The following STK24 variants were observed in gnomAD, a reference collection of about 807,000 sequenced individuals.
STK24 encodes the protein serine/threonine kinase 24, also known as serine/threonine-protein kinase 24.
In STK24, 21 loss-of-function variants were observed where a neutral mutation model predicts 55.6. The ratio of observed to expected loss-of-function variants is 0.38; its 90% CI spans 0.27 to 0.54. STK24 has a LOEUF of 0.54. STK24 is among the 20% of genes least tolerant of loss of function. The pLI is 0.79. For synonymous variants in STK24, 200 were observed against 215.2 expected, an observed-to-expected ratio of 0.93 and a Z score of 0.62; for missense variants, 383 against 538.4, an observed-to-expected ratio of 0.71 and a Z score of 2.86.
intron 1 of STK24, among the ~76,000 whole-genome samples, chr13:98,556,135 C>T (rs749138416): frequency 2.6e-5 from 4 of 152,216 alleles, no homozygotes; most frequent in Admixed American, 1.3e-4. Flanking sequence ...CCTCCTTCCC[C>T]GGGGAATTGT....
chr13:98,549,302 G>A (rs961698230), intron 1 of STK24, among the ~76,000 whole-genome samples: 2 of 152,150 alleles, frequency 1.3e-5, no homozygotes, highest in East Asian at 1.9e-4. Context: ...TGGCAGATTC[G>A]GTGTGTACTG....
intron 1 of STK24, among the ~76,000 whole-genome samples, chr13:98,529,460 G>C (rs1055880643): frequency 6.6e-6 from 1 of 152,060 alleles, no homozygotes; most frequent in Non-Finnish European, 1.5e-5. Flanking sequence ...AACTGGGGAC[G>C]ACCCACTGCC....
At chr13:98,500,680 T>C (rs1566371170) in intron 2 of STK24, among the ~76,000 whole-genome samples, 1 of 127,648 alleles carries the variant, frequency 7.8e-6, no homozygotes, top group Non-Finnish European at 1.6e-5. Flanking sequence ...CCTTCTGCCA[T>C]GCCTCCTCCC....
In STK24 at chr13:98,448,344, G is replaced by A; in HGVS notation, c.*4829C>T. 2 of 1,541,952 alleles carry A rather than the reference G, an allele frequency of 1.3e-6. No individual in the cohort carries two copies. The highest frequency in any genetic ancestry group is 2.2e-5 in the East Asian group (1 of 44,576). On this transcript the variant is annotated 3_prime_UTR_variant, in exon 11 of 11. Transcript: ENST00000539966. ...GGCCGGACACACTCGTTTCCGCAGT[G>A]GCTGCTTTCCTGGAAGACGTTTCCT...
At chr13:98,486,654 A>C (rs1362859705) in intron 2 of STK24, among the ~76,000 whole-genome samples, 1 of 152,178 alleles carries the variant, frequency 6.6e-6, no homozygotes, top group Admixed American at 6.5e-5. Context: ...TGATAACTGA[A>C]AATGTCTCCA....
intron 2 of STK24, among the ~76,000 whole-genome samples, chr13:98,516,125 C>A (rs1177690203): frequency 6.6e-6 from 1 of 152,208 alleles, no homozygotes; most frequent in Non-Finnish European, 1.5e-5. Context: ...CTCCATTACA[C>A]AAGAATGGGC....
chr13:98,474,301 T>C (rs757618399), intron 5 of STK24, among the ~76,000 whole-genome samples: 9 of 152,156 alleles, frequency 5.9e-5, no homozygotes, highest in Non-Finnish European at 1.2e-4. Context: ...TCCTCAGAAC[T>C]AAAAATAATA....
At chr13:98,522,694 G>A (rs1433144151) in intron 1 of STK24, among the ~76,000 whole-genome samples, 1 of 152,220 alleles carries the variant, frequency 6.6e-6, no homozygotes, top group African/African-American at 2.4e-5. Flanking sequence ...CCTTTGCTCA[G>A]CTGCAAGCTG....
At chr13:98,483,397 GA>G (rs202238146) in intron 2 of STK24, among the ~76,000 whole-genome samples, 1 of 151,236 alleles carries the variant, frequency 6.6e-6, no homozygotes, top group Non-Finnish European at 1.5e-5. Context: ...ACACATGGAG[GA>G]AAAAAAAAGA....
intron 1 of STK24, among the ~76,000 whole-genome samples, chr13:98,545,393 TC>T (rs1184408421): frequency 6.6e-6 from 1 of 152,150 alleles, no homozygotes; most frequent in East Asian, 1.9e-4. Flanking sequence ...ATGCCTGTAA[TC>T]CCGGCACTTT....
intron 2 of STK24, among the ~76,000 whole-genome samples, chr13:98,503,580 G>A (rs1895571816): frequency 6.6e-6 from 1 of 152,338 alleles, no homozygotes; most frequent in Admixed American, 6.5e-5. Context: ...CCCTTGGAAA[G>A]TCAGCACGCC....
intron 2 of STK24, among the ~76,000 whole-genome samples, chr13:98,514,346 C>A (rs1364028354): frequency 6.6e-6 from 1 of 152,226 alleles, no homozygotes; most frequent in Non-Finnish European, 1.5e-5. Flanking sequence ...GAAACTATTT[C>A]CCCTTTGGGG....
intron 2 of STK24, among the ~76,000 whole-genome samples, chr13:98,512,998 C>A (rs1208475345): frequency 6.6e-6 from 1 of 152,220 alleles, no homozygotes; most frequent in African/African-American, 2.4e-5. Context: ...CTTCTGCAGC[C>A]CATCGGGGTC....
At chr13:98,526,284 T>C (rs1222580080) in intron 1 of STK24, among the ~76,000 whole-genome samples, 4 of 152,226 alleles carry the variant, frequency 2.6e-5, no homozygotes, top group African/African-American at 9.6e-5. Context: ...CCAATATGAC[T>C]CAGGCATTTT....
At chr13:98,461,979 T>G in intron 7 of STK24, 82 bp from the exon 8 acceptor site, 1 of 1,563,136 alleles carries the variant, frequency 6.4e-7, no homozygotes. Flanking sequence ...GGAGGCCGCC[T>G]GGGGACCTCT....
chr13:98,463,584 T>TA (rs56325686), intron 7 of STK24, 107 bp downstream of exon 7: 13,156 of 1,030,050 alleles, frequency 0.013, 4 homozygotes, highest in South Asian at 0.026. Flanking sequence ...CTGGATTGTC[T>TA]AAAAAAAAAA....
chr13:98,568,394 C>T (rs1897644799), intron 1 of STK24, among the ~76,000 whole-genome samples: 2 of 152,146 alleles, frequency 1.3e-5, no homozygotes, highest in Non-Finnish European at 2.9e-5. Context: ...CCAGGCAGAG[C>T]CTCAAAGTCA....
chr13:98,559,264 T>C (rs1198437089), intron 1 of STK24, among the ~76,000 whole-genome samples: 1 of 152,028 alleles, frequency 6.6e-6, no homozygotes, highest in Non-Finnish European at 1.5e-5. Flanking sequence ...GCTCCCATAA[T>C]CCCTATGCAT....
chr13:98,447,884 A>C lies in STK24; in HGVS notation c.*5289T>G, dbSNP rs1167429942. On this transcript the variant is annotated 3_prime_UTR_variant, in exon 11 of 11. Transcript: ENST00000539966. ...AAGAAAAAAGGAAGGGAGAGCTTCC[A>C]CTAAGCAGGATGGGACACGTCCCGC... The C allele has an allele frequency of 7.6e-6, 2 of 262,364 alleles. No individual in the cohort carries two copies. Among genetic ancestry groups the C allele is most frequent in the Admixed American group, 5.1e-5 (1 of 19,592 alleles). The allele number at this position is 262,364 out of a possible 1,614,324, so 16.3% of individuals were successfully genotyped here. A position where few individuals can be genotyped will look rare whatever the true frequency, so the allele number is the denominator to read the frequency against.
Sources: gnomAD v4.1 joint callset for allele counts (sites outside exome capture counted in the v4.1 genomes callset) on GRCh38, gnomAD v4.1.1 for gene constraint, MANE v1.5 for transcripts, NCBI Gene and HGNC (gene_info 2026-07-23, HGNC 2026-07-21) for gene names.